Variants in CFAP263 observed in about 807,000 individuals in gnomAD.
CFAP263 encodes the protein cilia and flagella associated protein 263, also known as cilia- and flagella-associated protein 263.
the CFAP263 span, chr16:58,254,062 A>C: frequency 6.2e-7 from 1 of 1,614,220 alleles, no homozygotes; most frequent in Non-Finnish European, 8.5e-7. Context: ...CTGACTGCCG[A>C]CCAAAAACTT....
chr16:58,264,893 C>T, the CFAP263 span, among the ~76,000 whole-genome samples: 1 of 152,224 alleles, frequency 6.6e-6, no homozygotes, highest in African/African-American at 2.4e-5. Context: ...ACCAATACCT[C>T]CACAAGGGTA....
the CFAP263 span, among the ~76,000 whole-genome samples, chr16:58,269,812 A>G: frequency 6.6e-6 from 1 of 152,150 alleles, no homozygotes; most frequent in African/African-American, 2.4e-5. Context: ...CTGTGGATAC[A>G]TGTTTTCTTT....
At chr16:58,279,663 T>C in the CFAP263 span, 1 of 1,493,512 alleles carries the variant, frequency 6.7e-7, no homozygotes, top group South Asian at 1.2e-5. Flanking sequence ...TATCATTTTT[T>C]TTCTTTTTTT....
the CFAP263 span, chr16:58,258,619 A>G: frequency 4.8e-3 from 5,570 of 1,164,280 alleles, 29 homozygotes; most frequent in Non-Finnish European, 6.1e-3. Context: ...CCTTTGGTCC[A>G]CCATAAATGT....
the CFAP263 span, chr16:58,262,691 C>A: frequency 1.5e-6 from 1 of 650,244 alleles, no homozygotes; most frequent in Non-Finnish European, 2.5e-6. Context: ...CTGAATGCTC[C>A]CACAACCCTG....
the CFAP263 span, among the ~76,000 whole-genome samples, chr16:58,264,374 G>A: frequency 5.3e-3 from 814 of 152,314 alleles, 11 homozygotes; most frequent in East Asian, 0.056. Flanking sequence ...CCAGGTGGCA[G>A]GGCCTGATCT....
At chr16:58,260,784 T>C in the CFAP263 span, among the ~76,000 whole-genome samples, 2 of 152,192 alleles carry the variant, frequency 1.3e-5, no homozygotes, top group African/African-American at 4.8e-5. Flanking sequence ...GTTGGGGGAC[T>C]ATTGCTTGAG....
chr16:58,259,473 A>G, the CFAP263 span, among the ~76,000 whole-genome samples: 2 of 152,204 alleles, frequency 1.3e-5, no homozygotes, highest in Non-Finnish European at 2.9e-5. Context: ...CAAGCTTTAG[A>G]TCCTGGAGAC....
the CFAP263 span, chr16:58,281,508 G>A: frequency 5.9e-3 from 906 of 152,468 alleles, 12 homozygotes; most frequent in East Asian, 0.056. Context: ...AAGCAACAAG[G>A]CAACTAGTAG....
chr16:58,250,141 G>T, the CFAP263 span: 1 of 1,447,596 alleles, frequency 6.9e-7, no homozygotes, highest in Non-Finnish European at 9.5e-7. Context: ...CCTGGGGGCC[G>T]CCCCTCTTCC....
At chr16:58,264,248 A>G in the CFAP263 span, among the ~76,000 whole-genome samples, 1 of 152,164 alleles carries the variant, frequency 6.6e-6, no homozygotes, top group Admixed American at 6.5e-5. Flanking sequence ...ACTTGATCAC[A>G]TTGGACCTCG....
At chr16:58,253,973 T>A in the CFAP263 span, 1 of 1,613,684 alleles carries the variant, frequency 6.2e-7, no homozygotes, top group East Asian at 2.2e-5. Flanking sequence ...TCTTTGACAA[T>A]GGCTTTGTTT....
At chr16:58,263,864 G>A in the CFAP263 span, among the ~76,000 whole-genome samples, 5 of 152,184 alleles carry the variant, frequency 3.3e-5, no homozygotes, top group South Asian at 4.2e-4. Context: ...CTGTAATCTC[G>A]GCTACTTGGG....
the CFAP263 span, among the ~76,000 whole-genome samples, chr16:58,264,096 G>C: frequency 6.6e-6 from 1 of 152,218 alleles, no homozygotes; most frequent in African/African-American, 2.4e-5. Context: ...CTGGCATTCT[G>C]AAATTTATGT....
the CFAP263 span, chr16:58,282,214 C>G: frequency 3.9e-5 from 6 of 152,182 alleles, no homozygotes; most frequent in African/African-American, 1.4e-4. Flanking sequence ...ACCATGTTGG[C>G]CAGGCTGGTC....
the CFAP263 span, among the ~76,000 whole-genome samples, chr16:58,276,906 T>G: frequency 6.6e-6 from 1 of 152,214 alleles, no homozygotes; most frequent in South Asian, 2.1e-4. Flanking sequence ...GTGAATAGAG[T>G]ATGCTACTAT....
the CFAP263 span, among the ~76,000 whole-genome samples, chr16:58,263,937 G>A: frequency 6.6e-6 from 1 of 152,200 alleles, no homozygotes; most frequent in Non-Finnish European, 1.5e-5. Context: ...CTGAGATCAT[G>A]CCATTGCACT....
chr16:58,252,101 A>G, the CFAP263 span, among the ~76,000 whole-genome samples: 3 of 152,192 alleles, frequency 2.0e-5, no homozygotes, highest in African/African-American at 4.8e-5. Context: ...CACAGTGGCT[A>G]TTATTGCCTA....
At chr16:58,267,491 A>C in the CFAP263 span, 1 of 1,612,440 alleles carries the variant, frequency 6.2e-7, no homozygotes, top group African/African-American at 1.3e-5. Context: ...CAAGCTTCAC[A>C]AGGCAATGGA....
Sources: allele counts gnomAD v4.1 joint callset (sites outside exome capture counted in the v4.1 genomes callset), GRCh38; gene constraint gnomAD v4.1.1; transcripts MANE v1.5; gene names NCBI Gene and HGNC (gene_info 2026-07-23, HGNC 2026-07-21).